Variants in HMGB1 observed in about 807,000 individuals in gnomAD.
HMGB1 encodes high mobility group box 1, also known as high mobility group protein B1.
For synonymous variants in HMGB1, 81 were observed against 84.0 expected, an observed-to-expected ratio of 0.96 and a Z score of 0.19; for missense variants, 79 against 253.5, an observed-to-expected ratio of 0.31 and a Z score of 4.67.
intron 1 of HMGB1, among the ~76,000 whole-genome samples, chr13:30,472,267 A>T (rs1386758399): frequency 2.0e-5 from 3 of 152,128 alleles, no homozygotes; most frequent in African/African-American, 7.2e-5. Context: ...ACTCTGTCTC[A>T]AAACAAAGAT....
chr13:30,586,315 T>C (rs1871142394), intron 1 of HMGB1, among the ~76,000 whole-genome samples: 1 of 152,148 alleles, frequency 6.6e-6, no homozygotes, highest in Admixed American at 6.5e-5. Flanking sequence ...TTTTAGCCAG[T>C]TCTTCTATCA....
intron 1 of HMGB1, among the ~76,000 whole-genome samples, chr13:30,538,498 C>CTT (rs1229120069): frequency 3.7e-3 from 59 of 15,840 alleles, no homozygotes; most frequent in African/African-American, 5.8e-3. Flanking sequence ...TTCTTTCTTT[C>CTT]TTTCTTTCTT....
Position 30,465,919 on chromosome 13 carries a change from T to C in HMGB1, c.-138A>G, listed in dbSNP as rs933072423. On this transcript the variant is annotated 5_prime_UTR_variant, in exon 1 of 5. Coordinates refer to ENST00000341423, the MANE Select transcript of HMGB1 (RefSeq NM_002128.7). Reference sequence around the variant, plus strand: ...GGAGCCAGACGCAGCCTCCTCACTCTCTCCGCTCTGTAACATTACTCTCCA... The same window carrying C: ...GGAGCCAGACGCAGCCTCCTCACTCCCTCCGCTCTGTAACATTACTCTCCA... 3.0e-6 allele frequency: 3 copies of C among 985,900 alleles called. No individual in the cohort carries two copies. Among genetic ancestry groups the C allele is most frequent in the Non-Finnish European group, 3.6e-6 (3 of 830,030 alleles). The allele number at this position is 985,900 out of a possible 1,614,324, so 61.1% of individuals were successfully genotyped here.
At chr13:30,541,663 T>C (rs926517342) in intron 1 of HMGB1, 1 of 155,564 alleles carries the variant, frequency 6.4e-6, no homozygotes, top group South Asian at 1.8e-4. Flanking sequence ...TCTTGGTAAA[T>C]GGTTGCTCAG....
intron 1 of HMGB1, among the ~76,000 whole-genome samples, chr13:30,575,056 C>T (rs992986852): frequency 3.3e-5 from 5 of 151,936 alleles, no homozygotes; most frequent in African/African-American, 9.7e-5. Context: ...ATATAAACTC[C>T]GAGTAAAAGT....
intron 1 of HMGB1, among the ~76,000 whole-genome samples, chr13:30,517,707 T>C (rs950597071): frequency 2.6e-5 from 4 of 152,206 alleles, no homozygotes; most frequent in African/African-American, 9.7e-5. Flanking sequence ...CCTTCTGCTC[T>C]GAAGTTCTGT....
chr13:30,530,630 G>C (rs77774837), intron 1 of HMGB1, among the ~76,000 whole-genome samples: 3,400 of 152,254 alleles, frequency 0.022, 114 homozygotes, highest in African/African-American at 0.078. Context: ...TAAGGGAATG[G>C]TGAAATAAAT....
chr13:30,600,917 C>G (rs1196790355), intron 1 of HMGB1, among the ~76,000 whole-genome samples: 1 of 152,196 alleles, frequency 6.6e-6, no homozygotes, highest in Non-Finnish European at 1.5e-5. Flanking sequence ...TGTCAGGCCT[C>G]TGATCCCAAG....
At chr13:30,492,202 T>C (rs1887512597) in intron 1 of HMGB1, among the ~76,000 whole-genome samples, 1 of 148,468 alleles carries the variant, frequency 6.7e-6, no homozygotes, top group Non-Finnish European at 1.5e-5. Flanking sequence ...GTTAAGTAAA[T>C]GAAAAGGCTA....
At chr13:30,505,348 T>G (rs531640456) in intron 1 of HMGB1, among the ~76,000 whole-genome samples, 24 of 152,056 alleles carry the variant, frequency 1.6e-4, no homozygotes, top group African/African-American at 5.8e-4. Context: ...CTGGCTAATT[T>G]TTTGTATTTT....
At chr13:30,570,651 C>T (rs1593318439) in intron 1 of HMGB1, among the ~76,000 whole-genome samples, 1 of 152,212 alleles carries the variant, frequency 6.6e-6, no homozygotes, top group Non-Finnish European at 1.5e-5. Flanking sequence ...GTATTAAATG[C>T]TCTGCTTCCT....
At chr13:30,591,067 C>T (rs192312397) in intron 1 of HMGB1, among the ~76,000 whole-genome samples, 4 of 138,482 alleles carry the variant, frequency 2.9e-5, no homozygotes, top group Admixed American at 2.2e-4. Flanking sequence ...AAGCCTCACT[C>T]TCACCCAGGC....
At chr13:30,527,389 G>A (rs936451013) in intron 1 of HMGB1, among the ~76,000 whole-genome samples, 1 of 152,072 alleles carries the variant, frequency 6.6e-6, no homozygotes, top group East Asian at 1.9e-4. Context: ...CATGTAGCTC[G>A]GTGAGTAACG....
intron 1 of HMGB1, among the ~76,000 whole-genome samples, chr13:30,505,645 A>C (rs1342609594): frequency 6.6e-6 from 1 of 151,774 alleles, no homozygotes; most frequent in Non-Finnish European, 1.5e-5. Context: ...AAATTGCAAA[A>C]GTAGAGTATA....
chr13:30,461,825 A>C, intron 4 of HMGB1: 2 of 530,734 alleles, frequency 3.8e-6, no homozygotes, highest in Non-Finnish European at 6.5e-6. Context: ...TAAAACCAGA[A>C]TGTAGAGACT....
At chr13:30,512,246 A>G (rs903597721) in intron 1 of HMGB1, among the ~76,000 whole-genome samples, 1 of 152,184 alleles carries the variant, frequency 6.6e-6, no homozygotes, top group African/African-American at 2.4e-5. Flanking sequence ...AACTCCAATC[A>G]AAATCTGGGA....
At chr13:30,511,031 C>T (rs1375243762) in intron 1 of HMGB1, among the ~76,000 whole-genome samples, 1 of 152,152 alleles carries the variant, frequency 6.6e-6, no homozygotes, top group African/African-American at 2.4e-5. Context: ...GTGGAGGAGC[C>T]AGACCCTATT....
chr13:30,495,397 T>C (rs1593274881), intron 1 of HMGB1, among the ~76,000 whole-genome samples: 1 of 152,222 alleles, frequency 6.6e-6, no homozygotes, highest in Non-Finnish European at 1.5e-5. Context: ...TAATCCAATA[T>C]ATATTTCCTG....
At chr13:30,538,527 T>C (rs963113458) in intron 1 of HMGB1, among the ~76,000 whole-genome samples, 21 of 140,388 alleles carry the variant, frequency 1.5e-4, no homozygotes, top group African/African-American at 5.7e-4. Flanking sequence ...TTCTTTCCTT[T>C]CTTTCTTTCC....
Sources: allele counts gnomAD v4.1 joint callset (sites outside exome capture counted in the v4.1 genomes callset), GRCh38; gene constraint gnomAD v4.1.1; transcripts MANE v1.5; gene names NCBI Gene and HGNC (gene_info 2026-07-23, HGNC 2026-07-21).